CFTR: variants seen among roughly 807,000 people sequenced by gnomAD.
The protein encoded by CFTR is cystic fibrosis transmembrane conductance regulator.
Under a neutral mutation model 171.6 loss-of-function variants are expected in CFTR, and 181 were observed. That is an observed-to-expected ratio of 1.05 (90% CI 0.93 to 1.19). CFTR has a LOEUF of 1.19. Ranked by LOEUF, CFTR falls within the 50% of genes most tolerant of loss-of-function variation. The pLI is 0.00. For missense variants in CFTR, 1,968 were observed against 1,734.7 expected (o/e 1.13, Z -2.39); for synonymous variants, 583 against 608.0 (o/e 0.96, Z 0.60).
At chr7:117,557,048 ACG>A (rs1284754726) in intron 10 of CFTR, among the ~76,000 whole-genome samples, 1 of 151,642 alleles carries the variant, frequency 6.6e-6, no homozygotes, top group Non-Finnish European at 1.5e-5. Context: ...TAGATGTTTG[ACG>A]CTTTTTTAAA....
At chr7:117,564,238 G>C (rs926171580) in intron 11 of CFTR, among the ~76,000 whole-genome samples, 2 of 152,198 alleles carry the variant, frequency 1.3e-5, no homozygotes, top group Non-Finnish European at 2.9e-5. Context: ...CTCAGACATT[G>C]AGCAGATGAT....
At chr7:117,572,878 C>G (rs1219888358) in intron 11 of CFTR, among the ~76,000 whole-genome samples, 2 of 152,148 alleles carry the variant, frequency 1.3e-5, no homozygotes, top group African/African-American at 4.8e-5. Flanking sequence ...TCCCTTACCA[C>G]AAGCATCTAT....
In CFTR at chr7:117,667,660, GA is replaced by G. The variant is rs1418908066; in HGVS notation, c.*554del. 1 of 189,520 alleles carries G rather than the reference GA, an allele frequency of 5.3e-6. No homozygotes were observed. The highest frequency in any genetic ancestry group is 1.1e-5 in the Non-Finnish European group (1 of 90,108). The allele number at this position is 189,520 out of a possible 1,614,324, so 11.7% of individuals were successfully genotyped here. On this transcript the variant is annotated 3_prime_UTR_variant, in exon 27 of 27. Coordinates refer to ENST00000003084, the MANE Select transcript of CFTR (RefSeq NM_000492.4). ...CTATCTCATTTCCAAGCAAGTATTAGAATACCACAGGAACCACAAGACTGCA... is the reference window on the plus strand; with the variant it reads ...CTATCTCATTTCCAAGCAAGTATTAGATACCACAGGAACCACAAGACTGCA...
intron 21 of CFTR, among the ~76,000 whole-genome samples, chr7:117,622,647 TG>T (rs1792600877): frequency 6.6e-6 from 1 of 152,134 alleles, no homozygotes; most frequent in Admixed American, 6.6e-5. Flanking sequence ...TTATGGATTT[TG>T]GGGTATGATG....
chr7:117,543,040 A>G (rs1403586613), intron 9 of CFTR, among the ~76,000 whole-genome samples: 1 of 152,222 alleles, frequency 6.6e-6, no homozygotes, highest in East Asian at 1.9e-4. Context: ...TGCTCCACAT[A>G]AAAAATATTA....
At position 117,627,456 on chromosome 7, in the gene CFTR, G is replaced by A. The variant is rs1245523448; in HGVS notation, c.3469-66G>A. ...CATTTTACAAGTTATTTTTTAGGAA[G>A]CATCAAACTAATTGTGAAATTGTCT... On this transcript the variant is annotated intron_variant, in intron 21 of 26. Coordinates refer to ENST00000003084, the MANE Select transcript of CFTR (RefSeq NM_000492.4). 8 of 1,534,246 alleles carry A rather than the reference G, an allele frequency of 5.2e-6. No individual in the cohort carries two copies. The South Asian group carries it at 8.0e-5, about 15-fold the overall frequency.
chr7:117,541,300 A>G (rs1490611545), intron 8 of CFTR, among the ~76,000 whole-genome samples: 3 of 152,170 alleles, frequency 2.0e-5, no homozygotes, highest in African/African-American at 7.2e-5. Flanking sequence ...GAGTCACTGA[A>G]TGGGAGCATA....
intron 21 of CFTR, among the ~76,000 whole-genome samples, chr7:117,620,666 CA>C (rs948106300): frequency 3.3e-5 from 5 of 150,514 alleles, no homozygotes; most frequent in African/African-American, 4.9e-5. Flanking sequence ...AACAAACAAA[CA>C]AAAAAAAAGG....
chr7:117,607,642 C>G (rs948778150), intron 18 of CFTR, among the ~76,000 whole-genome samples: 3 of 152,132 alleles, frequency 2.0e-5, no homozygotes, highest in Non-Finnish European at 4.4e-5. Context: ...TTGCTCTTTC[C>G]CTACCCCTGC....
rs546074130 is a variant in CFTR, at chr7:117,582,223, G to T, written c.1585-5516G>T. Among the ~76,000 whole-genome samples, 78 of 152,232 alleles carry T rather than the reference G, an allele frequency of 5.1e-4. 1 individual carries two copies. Among genetic ancestry groups the T allele is most frequent in the Non-Finnish European group, 1.1e-3 (75 of 68,002 alleles). On this transcript the variant is annotated intron_variant, in intron 11 of 26. Transcript: ENST00000003084. The stretch of plus-strand genomic sequence containing the variant: ...GACCCAGGTTTTTGTTAGAGGAATT[G>T]AGTCAGAGAGCTGTTAAGTAACTGA...
intron 2 of CFTR, among the ~76,000 whole-genome samples, chr7:117,506,188 G>A (rs1277086328): frequency 6.6e-6 from 1 of 152,100 alleles, no homozygotes; most frequent in Admixed American, 6.6e-5. Context: ...ATCCATTGCA[G>A]GTATATTGAC....
intron 23 of CFTR, among the ~76,000 whole-genome samples, chr7:117,649,640 A>T (rs570410236): frequency 2.0e-5 from 3 of 151,844 alleles, no homozygotes; most frequent in African/African-American, 7.3e-5. Flanking sequence ...TCCTATTTTC[A>T]TATCAGTCCA....
chr7:117,613,931 T>C (rs1184141798), intron 20 of CFTR, among the ~76,000 whole-genome samples: 1 of 150,086 alleles, frequency 6.7e-6, no homozygotes, highest in Non-Finnish European at 1.5e-5. Flanking sequence ...TTAGCTGTCC[T>C]CTTTAGCCCT....
intron 2 of CFTR, among the ~76,000 whole-genome samples, chr7:117,506,244 G>A (rs1170159434): frequency 6.6e-6 from 1 of 152,060 alleles, no homozygotes; most frequent in Non-Finnish European, 1.5e-5. Flanking sequence ...AATGTTTGTT[G>A]TTGTTGTTGC....
rs1048183757 is a variant in CFTR, at chr7:117,591,997, A to T, written c.1830A>T (p.Leu610Phe). 2.5e-6 allele frequency: 4 copies of T among 1,595,244 alleles called. No individual in the cohort carries two copies. The highest frequency in any genetic ancestry group is 3.4e-6 in the Non-Finnish European group (4 of 1,175,106). Reference protein sequence around the residue: ...RILVTSKMEHLKKADKILILH... With the variant: ...RILVTSKMEHFKKADKILILH... The stretch of plus-strand genomic sequence containing the variant: ...TGGTCACTTCTAAAATGGAACATTT[A>T]AAGAAAGCTGACAAAATATTAATTT... The change falls in exon 14 of 27, where the codon TTA becomes TTT. Residue 610 changes from leucine (L) to phenylalanine (F), a missense_variant. Leu to Phe is a conservative substitution (Grantham distance 22, BLOSUM62 0). Transcript: ENST00000003084.
chr7:117,627,835 G>A (rs1173856881), intron 22 of CFTR, 65 bp downstream of exon 22: 1 of 1,508,586 alleles, frequency 6.6e-7, no homozygotes, highest in Non-Finnish European at 9.1e-7. Flanking sequence ...GTAGCCTGAA[G>A]CAATGTGTTA....
intron 8 of CFTR, among the ~76,000 whole-genome samples, chr7:117,541,455 G>T (rs4148703): frequency 1.3e-5 from 2 of 152,088 alleles, no homozygotes; most frequent in African/African-American, 4.8e-5. Context: ...ACTTCAGTAT[G>T]CGTGGACTTA....
intron 15 of CFTR, among the ~76,000 whole-genome samples, chr7:117,596,907 G>C (rs1038803953): frequency 8.6e-5 from 13 of 152,006 alleles, no homozygotes; most frequent in African/African-American, 3.1e-4. Context: ...ATCTAGTGAG[G>C]AGGTGGAGAA....
intron 15 of CFTR, among the ~76,000 whole-genome samples, chr7:117,600,315 C>T (rs1317391937): frequency 6.6e-6 from 1 of 151,954 alleles, no homozygotes; most frequent in African/African-American, 2.4e-5. Flanking sequence ...AGAACCCCTG[C>T]TTGGCAGTGC....
Sources: allele counts gnomAD v4.1 joint callset (sites outside exome capture counted in the v4.1 genomes callset), GRCh38; gene constraint gnomAD v4.1.1; transcripts MANE v1.5; gene names NCBI Gene and HGNC (gene_info 2026-07-23, HGNC 2026-07-21).